Variants in GULP1 observed in about 807,000 individuals in gnomAD.
GULP1 encodes the protein GULP PTB domain containing engulfment adaptor 1.
Under a neutral mutation model 40.9 loss-of-function variants are expected in GULP1, and 19 were observed. The observed-to-expected ratio is 0.46, with a 90% CI of 0.32 to 0.68. GULP1 has a LOEUF of 0.68. Ranked by LOEUF, GULP1 falls within the 30% of genes least tolerant of loss-of-function variation. The pLI is 0.03. For synonymous variants in GULP1, 119 were observed against 117.6 expected, an observed-to-expected ratio of 1.01 and a Z score of -0.08; for missense variants, 312 against 362.2, an observed-to-expected ratio of 0.86 and a Z score of 1.12.
intron 4 of GULP1, among the ~76,000 whole-genome samples, chr2:188,501,123 TTA>T (rs2063392213): frequency 6.6e-6 from 1 of 151,914 alleles, no homozygotes; most frequent in Admixed American, 6.6e-5. Flanking sequence ...AATTACAAAC[TTA>T]TATGTTTTGG....
chr2:188,464,431 C>T (rs967961092), intron 2 of GULP1, among the ~76,000 whole-genome samples: 5 of 152,170 alleles, frequency 3.3e-5, no homozygotes, highest in African/African-American at 9.7e-5. Flanking sequence ...AGGCACCACC[C>T]ATAGCTTGCA....
chr2:188,370,018 G>A (rs1210704104), intron 1 of GULP1, among the ~76,000 whole-genome samples: 1 of 152,054 alleles, frequency 6.6e-6, no homozygotes, highest in African/African-American at 2.4e-5. Flanking sequence ...AATTTGTTTT[G>A]TATTTTTTGT....
At chr2:188,354,953 T>G (rs6743636) in intron 1 of GULP1, among the ~76,000 whole-genome samples, 30,771 of 151,968 alleles carry the variant, frequency 0.2, 3,313 homozygotes, top group African/African-American at 0.27. Flanking sequence ...ACCAATAGAT[T>G]AATGAGGAAA....
intron 5 of GULP1, among the ~76,000 whole-genome samples, chr2:188,524,569 A>G (rs1685648968): frequency 6.6e-6 from 1 of 151,476 alleles, no homozygotes; most frequent in Admixed American, 6.6e-5. Flanking sequence ...GATAATGAAT[A>G]AAACAATGCT....
At chr2:188,381,754 A>C (rs2049030214) in intron 1 of GULP1, among the ~76,000 whole-genome samples, 1 of 152,186 alleles carries the variant, frequency 6.6e-6, no homozygotes, top group Non-Finnish European at 1.5e-5. Context: ...AAGACTGTGG[A>C]AATTATGACA....
intron 1 of GULP1, among the ~76,000 whole-genome samples, chr2:188,331,174 T>G (rs2152048708): frequency 6.6e-6 from 1 of 152,312 alleles, no homozygotes; most frequent in South Asian, 2.1e-4. Context: ...TTAGCATTCT[T>G]TAATTATAGA....
At chr2:188,325,097 T>G (rs991822518) in intron 1 of GULP1, among the ~76,000 whole-genome samples, 1 of 151,988 alleles carries the variant, frequency 6.6e-6, no homozygotes, top group Admixed American at 6.6e-5. Flanking sequence ...CACAAGTGTA[T>G]TGGTGCTAAA....
chr2:188,417,528 A>T (rs1424432183), intron 2 of GULP1, among the ~76,000 whole-genome samples: 1 of 152,262 alleles, frequency 6.6e-6, no homozygotes, highest in Non-Finnish European at 1.5e-5. Flanking sequence ...TAGAATGTCT[A>T]GAAAAGTGGT....
intron 3 of GULP1, among the ~76,000 whole-genome samples, chr2:188,481,478 T>C (rs2061442893): frequency 6.6e-6 from 1 of 151,970 alleles, no homozygotes; most frequent in African/African-American, 2.4e-5. Flanking sequence ...ATAATATGGA[T>C]GCAGATTTTT....
At chr2:188,590,451 G>A (rs1187419980) in intron 11 of GULP1, 1 of 152,078 alleles carries the variant, frequency 6.6e-6, no homozygotes, top group Non-Finnish European at 1.5e-5. Context: ...ATAGTACAAT[G>A]GGTTGTGAAC....
intron 9 of GULP1, among the ~76,000 whole-genome samples, chr2:188,579,631 G>A (rs1305430488): frequency 6.6e-6 from 1 of 151,988 alleles, no homozygotes; most frequent in Admixed American, 6.6e-5. Flanking sequence ...GACTAGTTCT[G>A]GAGTATTAAA....
intron 8 of GULP1, chr2:188,569,603 CT>C (rs1216121873): frequency 4.6e-6 from 2 of 439,390 alleles, no homozygotes; most frequent in Non-Finnish European, 8.2e-6. Flanking sequence ...CTTCCTGATG[CT>C]TCTCATGGGG....
intron 6 of GULP1, among the ~76,000 whole-genome samples, chr2:188,540,628 A>C (rs978609114): frequency 2.2e-4 from 33 of 152,198 alleles, no homozygotes; most frequent in African/African-American, 7.7e-4. Flanking sequence ...AACAGGTTCA[A>C]GAGTGTATGA....
chr2:188,296,594 G>A (rs1326484349), intron 1 of GULP1, among the ~76,000 whole-genome samples: 1 of 151,894 alleles, frequency 6.6e-6, no homozygotes, highest in Non-Finnish European at 1.5e-5. Flanking sequence ...TTTTGAAAAG[G>A]CTGCCCTAAT....
intron 4 of GULP1, among the ~76,000 whole-genome samples, chr2:188,502,960 AT>A (rs1275629345): frequency 1.3e-5 from 2 of 151,902 alleles, no homozygotes; most frequent in East Asian, 3.9e-4. Context: ...GTGTCCTCAC[AT>A]GGCAGAAAGG....
intron 1 of GULP1, among the ~76,000 whole-genome samples, chr2:188,313,132 C>T (rs1054082397): frequency 5.3e-5 from 8 of 152,146 alleles, no homozygotes; most frequent in Non-Finnish European, 1.2e-4. Flanking sequence ...AATTAGATCC[C>T]ATTTGTCAAT....
chr2:188,464,616 G>A (rs1182642270), intron 2 of GULP1, among the ~76,000 whole-genome samples: 1 of 152,208 alleles, frequency 6.6e-6, no homozygotes, highest in Non-Finnish European at 1.5e-5. Context: ...CCAGGACCTA[G>A]ATCGGTTCAG....
chr2:188,580,518 A>C (rs913871665), intron 9 of GULP1, among the ~76,000 whole-genome samples: 1 of 148,710 alleles, frequency 6.7e-6, no homozygotes, highest in Non-Finnish European at 1.5e-5. Context: ...CCGCCACTGC[A>C]CTCCAGCCTG....
chr2:188,330,915 T>C (rs1237744966), intron 1 of GULP1, among the ~76,000 whole-genome samples: 1 of 152,152 alleles, frequency 6.6e-6, no homozygotes, highest in Non-Finnish European at 1.5e-5. Flanking sequence ...CCTTGAGCTT[T>C]TACTTGTTCT....
Sources: allele counts gnomAD v4.1 joint callset (sites outside exome capture counted in the v4.1 genomes callset), GRCh38; gene constraint gnomAD v4.1.1; transcripts MANE v1.5; gene names NCBI Gene and HGNC (gene_info 2026-07-23, HGNC 2026-07-21).